The following SHLD1 variants were observed in gnomAD, a reference collection of about 807,000 sequenced individuals.
SHLD1 encodes RINN1-REV7-interacting novel NHEJ regulator 3.
Under a neutral mutation model 5.5 loss-of-function variants are expected in SHLD1, and 3 were observed. The ratio of observed to expected loss-of-function variants is 0.54; its 90% confidence interval spans 0.25 to 1.40. SHLD1 has a LOEUF of 1.40. Among genes scored for constraint, SHLD1 ranks in the 40% most tolerant of loss-of-function variants. The pLI is 0.15. For synonymous variants in SHLD1, 92 were observed against 94.3 expected (o/e 0.98, Z 0.14); for missense variants, 210 against 244.4 (o/e 0.86, Z 0.94).
At chr20:5,797,686 T>C (rs1316875145) in intron 2 of SHLD1, among the ~76,000 whole-genome samples, 1 of 152,224 alleles carries the variant, frequency 6.6e-6, no homozygotes, top group Non-Finnish European at 1.5e-5. Flanking sequence ...TAAAATTGTA[T>C]GTTTAGTCAA....
chr20:5,768,443 C>T (rs1214638540), intron 1 of SHLD1, among the ~76,000 whole-genome samples: 2 of 152,220 alleles, frequency 1.3e-5, no homozygotes, highest in Non-Finnish European at 2.9e-5. Flanking sequence ...TGTCTTGACT[C>T]ACTGTGTTAA....
At chr20:5,804,345 A>C (rs1461755168) in intron 2 of SHLD1, among the ~76,000 whole-genome samples, 1 of 135,818 alleles carries the variant, frequency 7.4e-6, no homozygotes, top group African/African-American at 3.1e-5. Context: ...ATATCGCAAA[A>C]AAAAACTATA....
intron 2 of SHLD1, among the ~76,000 whole-genome samples, chr20:5,791,501 C>G (rs1201442601): frequency 7.1e-6 from 1 of 141,836 alleles, no homozygotes; most frequent in African/African-American, 2.6e-5. Flanking sequence ...GAGGTCGAGG[C>G]TGCAGTGAGC....
At position 5,772,853 on chromosome 20, in the gene SHLD1, C is replaced by T; in HGVS notation, c.-4-9C>T. 1 of 1,596,658 alleles carries T rather than the reference C, an allele frequency of 6.3e-7. No individual in the cohort carries two copies. Among genetic ancestry groups the T allele is most frequent in the South Asian group, 1.1e-5 (1 of 89,446 alleles). ...TTTGTACTGAATTGTTTTCTTTTTTCCATGGCAGGACTATGGCAGCCAGGG... is the reference window on the plus strand; with the variant it reads ...TTTGTACTGAATTGTTTTCTTTTTTTCATGGCAGGACTATGGCAGCCAGGG... On this transcript the variant is annotated splice_polypyrimidine_tract_variant and intron_variant, in intron 1 of 2. Coordinates refer to ENST00000303142, the MANE Select transcript of SHLD1 (RefSeq NM_152504.4).
chr20:5,851,807 C>T (rs1201385020), intron 2 of SHLD1, among the ~76,000 whole-genome samples: 1 of 151,206 alleles, frequency 6.6e-6, no homozygotes, highest in Non-Finnish European at 1.5e-5. Context: ...AAGATGGGGC[C>T]TGGTGGCGGG....
chr20:5,863,087 C>T lies in SHLD1; in HGVS notation c.242C>T (p.Pro81Leu). 6.2e-7 allele frequency: 1 copy of T among 1,614,166 alleles called. No individual in the cohort carries two copies. The highest frequency in any genetic ancestry group is 8.5e-7 in the Non-Finnish European group (1 of 1,180,012). ...SWTAENFWLD[P>L]AVKGQSEKEE... ...ACCGCTGAGAACTTCTGGCTTGACC[C>T]TGCTGTGAAAGGCCAGTCAGAGAAG... is the stretch of plus-strand genomic sequence containing the variant. Residue 81 changes from proline (P) to leucine (L), a missense_variant, in exon 3 of 3, where the codon CCT becomes CTT. Coordinates refer to ENST00000303142, the MANE Select transcript of SHLD1 (RefSeq NM_152504.4).
intron 2 of SHLD1, among the ~76,000 whole-genome samples, chr20:5,811,049 T>C (rs1449110603): frequency 1.3e-5 from 2 of 152,182 alleles, no homozygotes; most frequent in African/African-American, 4.8e-5. Context: ...AACAGTAATA[T>C]ATAGCATTAG....
intron 1 of SHLD1, 34 bp downstream of exon 1, chr20:5,750,513 T>TGGGGG (rs1983680237): frequency 8.6e-5 from 2 of 23,278 alleles, no homozygotes; most frequent in South Asian, 1.9e-3. Context: ...GGGGTTGGAG[T>TGGGGG]GGTGGGGGCG....
chr20:5,827,896 C>CT (rs11087696), intron 2 of SHLD1, among the ~76,000 whole-genome samples: 95,067 of 152,034 alleles, frequency 0.63, 32,345 homozygotes, highest in Non-Finnish European at 0.77. Flanking sequence ...ATCATTCACT[C>CT]TTGTGGGTAG....
chr20:5,766,819 G>C (rs1300842647), intron 1 of SHLD1, among the ~76,000 whole-genome samples: 1 of 152,038 alleles, frequency 6.6e-6, no homozygotes, highest in African/African-American at 2.4e-5. Context: ...TGGCCAGGTT[G>C]GTCTTGAACT....
At position 5,811,053 on chromosome 20, in the gene SHLD1, G is replaced by A. The variant is rs532799561; in HGVS notation, c.178+38010G>A. ...CATTTTCCAGCAACAGTAATATATA[G>A]CATTAGTTCATTCATACATCTACTT... On this transcript the variant is annotated intron_variant, in intron 2 of 2. Coordinates refer to ENST00000303142, the MANE Select transcript of SHLD1 (RefSeq NM_152504.4). Among the ~76,000 whole-genome samples the A allele has an allele frequency of 5.3e-5, 8 of 152,188 alleles. No homozygotes were observed. The East Asian group carries it at 9.6e-4, about 18-fold the overall frequency.
intron 1 of SHLD1, among the ~76,000 whole-genome samples, chr20:5,767,382 C>T (rs1449492451): frequency 2.0e-5 from 3 of 152,162 alleles, no homozygotes; most frequent in Non-Finnish European, 2.9e-5. Context: ...CAGCAATCCT[C>T]CTGCCTCAGC....
intron 2 of SHLD1, among the ~76,000 whole-genome samples, chr20:5,844,972 A>G (rs894416744): frequency 6.6e-6 from 1 of 151,054 alleles, no homozygotes; most frequent in African/African-American, 2.4e-5. Context: ...TATTTTTTGT[A>G]TTTTTAGTAG....
intron 2 of SHLD1, among the ~76,000 whole-genome samples, chr20:5,833,813 G>C (rs1326273653): frequency 3.3e-5 from 5 of 151,720 alleles, no homozygotes. Flanking sequence ...GAGAGAGGGG[G>C]CAGGTGAGGG....
At chr20:5,837,904 C>T (rs914390169) in intron 2 of SHLD1, among the ~76,000 whole-genome samples, 11 of 152,088 alleles carry the variant, frequency 7.2e-5, no homozygotes, top group African/African-American at 2.7e-4. Flanking sequence ...GAAAAGAATT[C>T]TCATATAAGT....
At chr20:5,754,794 G>A (rs1006132873) in intron 1 of SHLD1, among the ~76,000 whole-genome samples, 6 of 152,194 alleles carry the variant, frequency 3.9e-5, no homozygotes, top group Admixed American at 1.3e-4. Context: ...GGTGGCTCAC[G>A]CCTGTAATGC....
chr20:5,822,950 G>C (rs1002512599), intron 2 of SHLD1, among the ~76,000 whole-genome samples: 3 of 151,730 alleles, frequency 2.0e-5, no homozygotes, highest in African/African-American at 7.3e-5. Context: ...TTACCTTCCC[G>C]ATTTCTCTCC....
chr20:5,807,867 G>A (rs112066052), intron 2 of SHLD1, among the ~76,000 whole-genome samples: 1 of 152,140 alleles, frequency 6.6e-6, no homozygotes, highest in Non-Finnish European at 1.5e-5. Context: ...GTCCCCAGGT[G>A]GGTATATGTA....
chr20:5,811,508 G>A (rs1248518813), intron 2 of SHLD1, among the ~76,000 whole-genome samples: 1 of 152,054 alleles, frequency 6.6e-6, no homozygotes, highest in Non-Finnish European at 1.5e-5. Flanking sequence ...ATTAGGACCA[G>A]ACTGGTGTCT....
Sources: allele counts gnomAD v4.1 joint callset (sites outside exome capture counted in the v4.1 genomes callset), GRCh38; gene constraint gnomAD v4.1.1; transcripts MANE v1.5; gene names NCBI Gene and HGNC (gene_info 2026-07-23, HGNC 2026-07-21).